Variants in CCDC192 observed in about 807,000 individuals in gnomAD.
CCDC192 encodes the protein coiled-coil domain-containing protein 192.
At chr5:127,723,479 A>T (rs1460610686) in intron 2 of CCDC192, among the ~76,000 whole-genome samples, 1 of 152,148 alleles carries the variant, frequency 6.6e-6, no homozygotes, top group Non-Finnish European at 1.5e-5. Flanking sequence ...TCTAGGTAGG[A>T]GTTCTAGTAC....
chr5:127,845,299 A>G (rs1465963035), intron 5 of CCDC192, among the ~76,000 whole-genome samples: 3 of 152,180 alleles, frequency 2.0e-5, no homozygotes, highest in Non-Finnish European at 4.4e-5. Flanking sequence ...CGCCCTTTCA[A>G]GACATGTGGC....
intron 2 of CCDC192, among the ~76,000 whole-genome samples, chr5:127,741,548 T>G (rs112627153): frequency 3.3e-5 from 5 of 152,310 alleles, no homozygotes; most frequent in African/African-American, 1.2e-4. Flanking sequence ...ATACTTTTTT[T>G]GATAAGAGAA....
At chr5:127,899,161 C>T (rs916600300) in intron 6 of CCDC192, among the ~76,000 whole-genome samples, 5 of 152,030 alleles carry the variant, frequency 3.3e-5, no homozygotes, top group Admixed American at 2.0e-4. Flanking sequence ...CTCTGTTTTG[C>T]GTTTTTGGGG....
At chr5:127,741,122 G>A (rs1482176118) in intron 2 of CCDC192, among the ~76,000 whole-genome samples, 5 of 152,168 alleles carry the variant, frequency 3.3e-5, no homozygotes, top group Non-Finnish European at 5.9e-5. Flanking sequence ...GTGCAGTGGC[G>A]TAATCTCGGC....
chr5:127,915,768 G>A (rs936953959), intron 6 of CCDC192, among the ~76,000 whole-genome samples: 2 of 151,850 alleles, frequency 1.3e-5, no homozygotes, highest in African/African-American at 4.8e-5. Context: ...TGTATTTTAT[G>A]TGTGGCTCAA....
chr5:127,921,891 T>A (rs1753732732), intron 6 of CCDC192, among the ~76,000 whole-genome samples: 1 of 152,228 alleles, frequency 6.6e-6, no homozygotes, highest in African/African-American at 2.4e-5. Context: ...ATGTATGTGG[T>A]AGCCATGCTG....
intron 6 of CCDC192, among the ~76,000 whole-genome samples, chr5:127,883,222 C>T (rs924473882): frequency 5.9e-5 from 9 of 152,180 alleles, no homozygotes; most frequent in Non-Finnish European, 1.2e-4. Flanking sequence ...GATGTCTCCC[C>T]CACAGGAATC....
intron 6 of CCDC192, among the ~76,000 whole-genome samples, chr5:127,912,152 G>A (rs1181515061): frequency 2.0e-5 from 3 of 149,336 alleles, no homozygotes; most frequent in East Asian, 2.0e-4. Flanking sequence ...GGCTGGTCTC[G>A]AACTCCTGAC....
chr5:127,792,573 G>A (rs1051177778), intron 3 of CCDC192, among the ~76,000 whole-genome samples: 2 of 150,018 alleles, frequency 1.3e-5, no homozygotes, highest in Non-Finnish European at 3.0e-5. Flanking sequence ...GGATGTGGTG[G>A]TGTGCAGCTG....
chr5:127,788,420 A>T (rs1267067385), intron 3 of CCDC192, among the ~76,000 whole-genome samples: 4 of 152,130 alleles, frequency 2.6e-5, no homozygotes. Context: ...TTGAGTCTAA[A>T]GTGAGTTTCT....
chr5:127,889,818 C>A (rs1371659416), intron 6 of CCDC192, among the ~76,000 whole-genome samples: 1 of 152,242 alleles, frequency 6.6e-6, no homozygotes, highest in Non-Finnish European at 1.5e-5. Flanking sequence ...GTCCATTCTG[C>A]ACACCTCTTT....
intron 3 of CCDC192, among the ~76,000 whole-genome samples, chr5:127,789,118 C>T (rs1053164389): frequency 3.3e-5 from 5 of 152,118 alleles, no homozygotes; most frequent in Non-Finnish European, 7.4e-5. Context: ...TTTAAGTCAC[C>T]AAGCCTGTGA....
intron 6 of CCDC192, among the ~76,000 whole-genome samples, chr5:127,900,259 G>T (rs1263799051): frequency 6.6e-6 from 1 of 152,172 alleles, no homozygotes; most frequent in Non-Finnish European, 1.5e-5. Flanking sequence ...TTTCCTGGAG[G>T]TGTCTGTTCC....
intron 6 of CCDC192, among the ~76,000 whole-genome samples, chr5:127,891,121 G>A (rs1351354930): frequency 2.6e-5 from 4 of 152,064 alleles, no homozygotes; most frequent in African/African-American, 7.2e-5. Context: ...GCGCAATCTC[G>A]GCTCACTGCA....
intron 5 of CCDC192, among the ~76,000 whole-genome samples, chr5:127,849,067 TA>T (rs923271195): frequency 3.3e-5 from 5 of 151,960 alleles, no homozygotes; most frequent in Admixed American, 3.3e-4. Context: ...CCATCTCTAC[TA>T]AAAATACAAA....
intron 3 of CCDC192, among the ~76,000 whole-genome samples, chr5:127,769,538 A>G (rs1165139604): frequency 6.6e-6 from 1 of 152,070 alleles, no homozygotes; most frequent in Non-Finnish European, 1.5e-5. Context: ...GAGAAAGAGT[A>G]TAGATAAAGC....
At chr5:127,720,125 C>G (rs992116944) in intron 2 of CCDC192, among the ~76,000 whole-genome samples, 1 of 152,168 alleles carries the variant, frequency 6.6e-6, no homozygotes, top group Admixed American at 6.5e-5. Context: ...ACTCAAAAGT[C>G]TACAGTCCAA....
At chr5:127,926,555 G>T (rs913791508) in intron 6 of CCDC192, among the ~76,000 whole-genome samples, 1 of 152,096 alleles carries the variant, frequency 6.6e-6, no homozygotes, top group Non-Finnish European at 1.5e-5. Context: ...AAACTTAAAA[G>T]GTATTTAGAA....
intron 2 of CCDC192, among the ~76,000 whole-genome samples, chr5:127,734,674 C>T (rs1381825904): frequency 6.9e-6 from 1 of 145,330 alleles, no homozygotes; most frequent in Non-Finnish European, 1.5e-5. Context: ...TCTCTGATGG[C>T]CAGTGATGGT....
Sources: gnomAD v4.1 joint callset for allele counts (sites outside exome capture counted in the v4.1 genomes callset) on GRCh38, gnomAD v4.1.1 for gene constraint, MANE v1.5 for transcripts, NCBI Gene and HGNC (gene_info 2026-07-23, HGNC 2026-07-21) for gene names.